FSTL4: variants seen among roughly 807,000 people sequenced by gnomAD.
The protein encoded by FSTL4 is follistatin-related protein 4.
FSTL4 carries 28 observed loss-of-function variants against 78.2 expected under a neutral mutation model. The ratio of observed to expected loss-of-function variants is 0.36; its 90% CI spans 0.27 to 0.49. FSTL4 has a LOEUF of 0.49. FSTL4 is among the 20% of genes least tolerant of loss of function. The probability of loss-of-function intolerance (pLI) is 0.98; values close to 1 mark genes in which losing one functional copy is unlikely to be tolerated. For synonymous variants in FSTL4, 422 were observed against 440.5 expected, an observed-to-expected ratio of 0.96 and a Z score of 0.53; for missense variants, 922 against 1,084.9, an observed-to-expected ratio of 0.85 and a Z score of 2.11.
At chr5:133,471,027 TTTTA>T (rs1352470851) in intron 3 of FSTL4, among the ~76,000 whole-genome samples, 1 of 151,784 alleles carries the variant, frequency 6.6e-6, no homozygotes, top group Non-Finnish European at 1.5e-5. Context: ...TTATAATTGC[TTTTA>T]TTTGAGGAAG....
chr5:133,556,756 T>C (rs943519882), intron 3 of FSTL4, among the ~76,000 whole-genome samples: 4 of 152,004 alleles, frequency 2.6e-5, no homozygotes, highest in African/African-American at 9.7e-5. Flanking sequence ...CCATGCCCAT[T>C]TAGAAGCAGC....
intron 3 of FSTL4, among the ~76,000 whole-genome samples, chr5:133,447,888 C>T (rs1391271135): frequency 6.6e-6 from 1 of 152,114 alleles, no homozygotes; most frequent in African/African-American, 2.4e-5. Context: ...CTACATAATC[C>T]CACCATTCTG....
At chr5:133,748,911 G>T in the FSTL4 span, among the ~76,000 whole-genome samples, 1 of 152,320 alleles carries the variant, frequency 6.6e-6, no homozygotes, top group South Asian at 2.1e-4. Context: ...ATAACAGTCA[G>T]GGCCAGAGAC....
chr5:133,684,644 A>G, the FSTL4 span, among the ~76,000 whole-genome samples: 2 of 152,190 alleles, frequency 1.3e-5, no homozygotes, highest in South Asian at 2.1e-4. Flanking sequence ...CCAGGGACTC[A>G]TCATTGAGAT....
chr5:133,500,563 T>C (rs1394528840), intron 3 of FSTL4, among the ~76,000 whole-genome samples: 1 of 152,054 alleles, frequency 6.6e-6, no homozygotes, highest in East Asian at 1.9e-4. Context: ...CTCCTGACTC[T>C]AGGGGTGTCA....
chr5:133,241,675 G>A (rs993894489), intron 7 of FSTL4, among the ~76,000 whole-genome samples: 1 of 152,216 alleles, frequency 6.6e-6, no homozygotes, highest in African/African-American at 2.4e-5. Context: ...ATCCCCAGCT[G>A]GGGCGGGAAG....
At chr5:133,826,421 A>C in the FSTL4 span, among the ~76,000 whole-genome samples, 1 of 152,232 alleles carries the variant, frequency 6.6e-6, no homozygotes, top group Non-Finnish European at 1.5e-5. Context: ...GAAGCCCAGA[A>C]GCCCAGAATC....
the FSTL4 span, among the ~76,000 whole-genome samples, chr5:133,723,495 A>T: frequency 6.6e-6 from 1 of 152,150 alleles, no homozygotes; most frequent in East Asian, 1.9e-4. Flanking sequence ...CAGGTGCAGG[A>T]GCAGCAAGGA....
chr5:133,309,305 G>T (rs967080499), intron 6 of FSTL4, among the ~76,000 whole-genome samples: 1 of 152,176 alleles, frequency 6.6e-6, no homozygotes, highest in Non-Finnish European at 1.5e-5. Flanking sequence ...TTAGTTCCTA[G>T]ATCAGCCTGT....
chr5:133,766,075 A>G, the FSTL4 span, among the ~76,000 whole-genome samples: 1 of 152,266 alleles, frequency 6.6e-6, no homozygotes, highest in Non-Finnish European at 1.5e-5. Context: ...ACTTTGCCAG[A>G]TAGGTGCCAG....
At chr5:133,664,319 T>TAAA in the FSTL4 span, among the ~76,000 whole-genome samples, 143 of 135,120 alleles carry the variant, frequency 1.1e-3, 1 homozygote, top group African/African-American at 3.8e-3. Flanking sequence ...TCTTTTTTTT[T>TAAA]TAAAAAAAAT....
the FSTL4 span, among the ~76,000 whole-genome samples, chr5:133,754,689 T>C: frequency 6.6e-6 from 1 of 152,134 alleles, no homozygotes; most frequent in Non-Finnish European, 1.5e-5. Context: ...CAAGAGACCA[T>C]GGTCAAAATA....
At chr5:133,292,951 T>C (rs945116782) in intron 6 of FSTL4, among the ~76,000 whole-genome samples, 1 of 152,230 alleles carries the variant, frequency 6.6e-6, no homozygotes, top group African/African-American at 2.4e-5. Context: ...CCAGAGAGTA[T>C]TTTCTGAGAG....
At chr5:133,335,683 G>A (rs944144111) in intron 4 of FSTL4, among the ~76,000 whole-genome samples, 1 of 151,382 alleles carries the variant, frequency 6.6e-6, no homozygotes, top group African/African-American at 2.4e-5. Context: ...CCCTTTCTTG[G>A]GGGGGGTGGC....
chr5:133,363,400 C>T (rs1343390164), intron 4 of FSTL4, among the ~76,000 whole-genome samples: 1 of 152,000 alleles, frequency 6.6e-6, no homozygotes, highest in African/African-American at 2.4e-5. Context: ...TTTCCCCCAG[C>T]AACTCTGGAA....
chr5:133,218,748 T>G (rs1470686124), intron 12 of FSTL4, among the ~76,000 whole-genome samples: 1 of 152,220 alleles, frequency 6.6e-6, no homozygotes. Flanking sequence ...TGGGAGGTCT[T>G]CTCTGACCTC....
At chr5:133,517,712 A>T (rs1758894148) in intron 3 of FSTL4, among the ~76,000 whole-genome samples, 1 of 151,228 alleles carries the variant, frequency 6.6e-6, no homozygotes, top group Non-Finnish European at 1.5e-5. Flanking sequence ...GCAAGTCCAA[A>T]ATCTGCAGGG....
chr5:133,449,035 T>C (rs563303519), intron 3 of FSTL4, among the ~76,000 whole-genome samples: 28 of 152,238 alleles, frequency 1.8e-4, no homozygotes, highest in African/African-American at 6.7e-4. Flanking sequence ...ATATATATTA[T>C]ATAGACAGGG....
chr5:133,710,875 C>T, the FSTL4 span, among the ~76,000 whole-genome samples: 5 of 152,206 alleles, frequency 3.3e-5, no homozygotes, highest in South Asian at 2.1e-4. Context: ...ATACCATCAC[C>T]GTGCCACCTT....
Sources: allele counts gnomAD v4.1 joint callset (sites outside exome capture counted in the v4.1 genomes callset), GRCh38; gene constraint gnomAD v4.1.1; transcripts MANE v1.5; gene names NCBI Gene and HGNC (gene_info 2026-07-23, HGNC 2026-07-21).